KAT6A: variants seen among roughly 807,000 people sequenced by gnomAD.
KAT6A encodes lysine acetyltransferase 6A.
KAT6A carries 9 observed loss-of-function variants against 198.4 expected under a neutral mutation model. The observed-to-expected ratio is 0.05, with a 90% CI of 0.03 to 0.08. The LOEUF (loss-of-function observed/expected upper bound fraction) is 0.08, where lower values mean the gene tolerates loss of function less well. Among genes scored for constraint, KAT6A ranks in the 10% least tolerant of loss-of-function variants. KAT6A has a pLI of 1.00. For missense variants in KAT6A, 2,077 were observed against 2,509.9 expected, an observed-to-expected ratio of 0.83 and a Z score of 3.69; for synonymous variants, 890 against 883.0, an observed-to-expected ratio of 1.01 and a Z score of -0.14.
intron 2 of KAT6A, among the ~76,000 whole-genome samples, chr8:42,020,681 G>A (rs1221090395): frequency 1.3e-5 from 2 of 152,130 alleles, no homozygotes; most frequent in Non-Finnish European, 1.5e-5. Context: ...CTACAGAAAC[G>A]TGCTACTCAA....
intron 2 of KAT6A, among the ~76,000 whole-genome samples, chr8:41,996,888 C>T (rs1399180503): frequency 6.6e-6 from 1 of 152,112 alleles, no homozygotes; most frequent in African/African-American, 2.4e-5. Context: ...ATTATTGCAA[C>T]TCGTTTCTTT....
intron 9 of KAT6A, among the ~76,000 whole-genome samples, chr8:41,950,745 T>C (rs1373738401): frequency 6.6e-6 from 1 of 152,176 alleles, no homozygotes; most frequent in East Asian, 1.9e-4. Flanking sequence ...GGGCATCCAA[T>C]CCAACTGTTA....
intron 2 of KAT6A, among the ~76,000 whole-genome samples, chr8:42,022,837 TAC>T: frequency 1.3e-5 from 2 of 152,330 alleles, no homozygotes; most frequent in Middle Eastern, 6.8e-3. Flanking sequence ...TAAATTATGA[TAC>T]ACTCATACAA....
At chr8:41,976,953 C>T (rs567161089) in intron 7 of KAT6A, 55 bp downstream of exon 7, 5 of 1,349,880 alleles carry the variant, frequency 3.7e-6, no homozygotes, top group South Asian at 2.9e-5. Flanking sequence ...AGTGTTATCC[C>T]GAATAATACA....
chr8:42,027,457 T>C (rs925906081), intron 2 of KAT6A, among the ~76,000 whole-genome samples: 4 of 152,188 alleles, frequency 2.6e-5, no homozygotes, highest in African/African-American at 9.6e-5. Flanking sequence ...AACTTTTTAT[T>C]TCTGATTCAA....
chr8:41,990,060 A>G (rs2150895160), intron 2 of KAT6A, among the ~76,000 whole-genome samples: 1 of 152,250 alleles, frequency 6.6e-6, no homozygotes, highest in East Asian at 1.9e-4. Flanking sequence ...GGAAAAAAAA[A>G]AACCCAACAA....
intron 2 of KAT6A, among the ~76,000 whole-genome samples, chr8:42,023,367 T>C (rs1372127658): frequency 6.6e-6 from 1 of 152,222 alleles, no homozygotes; most frequent in Non-Finnish European, 1.5e-5. Flanking sequence ...TCTTCAATAA[T>C]GTTAACCTTA....
At chr8:41,957,393 A>G in intron 8 of KAT6A, 1 of 445,514 alleles carries the variant, frequency 2.2e-6, no homozygotes, top group Admixed American at 2.7e-5. Flanking sequence ...GGCTACACAG[A>G]AACCACTCAT....
At chr8:41,949,153 A>AAT in intron 10 of KAT6A, 69 bp downstream of exon 10, 4 of 1,017,712 alleles carry the variant, frequency 3.9e-6, no homozygotes, top group Non-Finnish European at 5.5e-6. Context: ...AAAGTTGCAC[A>AAT]ATAGATGCAA....
intron 2 of KAT6A, among the ~76,000 whole-genome samples, chr8:41,997,547 T>C (rs567140589): frequency 1.3e-5 from 2 of 152,216 alleles, no homozygotes; most frequent in African/African-American, 4.8e-5. Flanking sequence ...TCACTTTGTC[T>C]TAAGAAAAAT....
chr8:41,935,172 T>C (rs577910421), intron 16 of KAT6A, among the ~76,000 whole-genome samples: 167 of 152,218 alleles, frequency 1.1e-3, no homozygotes, highest in Non-Finnish European at 1.7e-3. Context: ...TTACTCTACA[T>C]TTCAGTTTCA....
chr8:41,941,013 C>T lies in KAT6A; in HGVS notation c.2868G>A (p.Glu956=). The part of the protein sequence containing the change: ...PWRGQLKKSP[E]ALKCRLTEGS... ...CTTCTGTTAATCTGCACTTCAGAGC[C>T]TCAGGGCTTTTCTTGAGCTGTCCTC... The change falls in exon 15 of 17, where the codon GAG becomes GAA. Residue 956 remains glutamate (E), a synonymous_variant. Transcript: ENST00000265713. 2 of 1,614,168 alleles carry T rather than the reference C, an allele frequency of 1.2e-6. No individual in the cohort carries two copies. Among genetic ancestry groups the T allele is most frequent in the East Asian group, 4.5e-5 (2 of 44,868 alleles).
chr8:42,019,245 A>C (rs181055001), intron 2 of KAT6A, among the ~76,000 whole-genome samples: 6 of 152,304 alleles, frequency 3.9e-5, no homozygotes, highest in Non-Finnish European at 4.4e-5. Flanking sequence ...GTTATTTTGA[A>C]AGTGTTCCTC....
intron 1 of KAT6A, among the ~76,000 whole-genome samples, chr8:42,051,189 G>A (rs1205979729): frequency 1.3e-5 from 2 of 152,052 alleles, no homozygotes; most frequent in Admixed American, 1.3e-4. Context: ...AGGGCGGCGC[G>A]GGTTGCTGGG....
At chr8:41,975,528 C>T (rs2150885432) in intron 7 of KAT6A, among the ~76,000 whole-genome samples, 1 of 152,198 alleles carries the variant, frequency 6.6e-6, no homozygotes, top group South Asian at 2.1e-4. Flanking sequence ...GTTCTCAAGT[C>T]AACTGCACAT....
intron 2 of KAT6A, among the ~76,000 whole-genome samples, chr8:42,011,737 T>C (rs1826026307): frequency 6.8e-6 from 1 of 147,878 alleles, no homozygotes; most frequent in Admixed American, 6.7e-5. Context: ...TGAAACTCCA[T>C]CTCAGAAAAA....
At chr8:41,980,970 G>A in intron 4 of KAT6A, 43 bp from the exon 5 acceptor site, 1 of 1,302,748 alleles carries the variant, frequency 7.7e-7, no homozygotes, top group Non-Finnish European at 1.1e-6. Context: ...ACCTTATGAA[G>A]CAGAAACATG....
At chr8:41,962,015 C>T (rs559967210) in intron 8 of KAT6A, among the ~76,000 whole-genome samples, 1 of 152,220 alleles carries the variant, frequency 6.6e-6, no homozygotes, top group East Asian at 1.9e-4. Context: ...TCTTACTTGG[C>T]CTATTTGCAG....
intron 2 of KAT6A, among the ~76,000 whole-genome samples, chr8:42,006,396 C>T (rs2150905535): frequency 6.6e-6 from 1 of 152,332 alleles, no homozygotes; most frequent in East Asian, 1.9e-4. Context: ...AATGGACACT[C>T]CAACTCCGTA....
Sources: allele counts gnomAD v4.1 joint callset (sites outside exome capture counted in the v4.1 genomes callset), GRCh38; gene constraint gnomAD v4.1.1; transcripts MANE v1.5; gene names NCBI Gene and HGNC (gene_info 2026-07-23, HGNC 2026-07-21).